Variants in CEP72 observed in about 807,000 individuals in gnomAD.
CEP72 encodes centrosomal protein 72, also known as centrosomal protein of 72 kDa.
A neutral mutation model predicts 65.7 loss-of-function variants in CEP72; 78 were observed. That is an observed-to-expected ratio of 1.19 (90% confidence interval 0.99 to 1.43). The LOEUF (loss-of-function observed/expected upper bound fraction) is 1.43. Among genes scored for constraint, CEP72 ranks in the 40% most tolerant of loss-of-function variants. CEP72 has a pLI of 0.00. For synonymous variants in CEP72, 358 were observed against 351.7 expected (o/e 1.02, Z -0.20); for missense variants, 914 against 832.9 (o/e 1.10, Z -1.20).
chr5:640,278 C>T, intron 8 of CEP72, 130 bp from the exon 9 acceptor site: 4 of 1,292,356 alleles, frequency 3.1e-6, no homozygotes, highest in South Asian at 3.0e-5. Context: ...GCCAACACCC[C>T]TTTCCCCTCT....
At position 645,734 on chromosome 5, in the gene CEP72, G is replaced by C. The variant is rs1379967169; in HGVS notation, c.1666+1309G>C. ...CCTCTGCCCCTGAACTGGAACAACA[G>C]AGTAAATAATAGTCTAACTTGTCTT... On this transcript the variant is annotated intron_variant, in intron 10 of 11. Transcript: ENST00000264935. This position sits in a 1 kb window ranked among gnomAD's most constrained non-coding sequence, Gnocchi z 4.0. 6.6e-6 allele frequency among the ~76,000 whole-genome samples: 1 copy of C among 152,246 alleles called. No homozygotes were observed. The highest frequency in any genetic ancestry group is 6.5e-5 in the Admixed American group (1 of 15,286).
In CEP72 at chr5:644,372, A is replaced by T; in HGVS notation, c.1613A>T (p.Lys538Ile). 6.2e-7 allele frequency: 1 copy of T among 1,613,972 alleles called. No homozygotes were observed. The highest frequency in any genetic ancestry group is 8.5e-7 in the Non-Finnish European group (1 of 1,179,976). ...SRLKSLLLSM[K>I]KEVKSADTAA... ...TTAAAATCGCTTTTGTTGAGTATGAAAAAGGAAGTGAAGAGTGCAGACACT... is the reference window on the plus strand; with the variant it reads ...TTAAAATCGCTTTTGTTGAGTATGATAAAGGAAGTGAAGAGTGCAGACACT... The change falls in exon 10 of 12, where the codon AAA (lysine) becomes ATA (isoleucine). Residue 538 changes from lysine to isoleucine, a missense_variant. Coordinates refer to ENST00000264935, the MANE Select transcript of CEP72 (RefSeq NM_018140.4).
At chr5:622,163 CCT>C (rs1486464281) in intron 3 of CEP72, among the ~76,000 whole-genome samples, 1 of 152,236 alleles carries the variant, frequency 6.6e-6, no homozygotes, top group African/African-American at 2.4e-5. Context: ...GCACACACAC[CCT>C]CTGTTTGGTG....
chr5:648,841 G>T (rs1738653730), intron 11 of CEP72, among the ~76,000 whole-genome samples: 3 of 131,784 alleles, frequency 2.3e-5, no homozygotes, highest in Admixed American at 7.2e-5. Context: ...TGACTGTGAG[G>T]TGTGGACTGT....
intron 1 of CEP72, among the ~76,000 whole-genome samples, chr5:615,978 T>C (rs1242165411): frequency 6.6e-6 from 1 of 152,236 alleles, no homozygotes; most frequent in African/African-American, 2.4e-5. Context: ...CTTTACAATT[T>C]AGTTGTCTTA....
At chr5:651,662 C>G (rs532581556) in intron 11 of CEP72, among the ~76,000 whole-genome samples, 49 of 152,060 alleles carry the variant, frequency 3.2e-4, no homozygotes, top group South Asian at 1.2e-3. Flanking sequence ...AATTGTGTGC[C>G]GGGACGTGGT....
At chr5:633,671 T>A (rs1322236440) in intron 4 of CEP72, 98 bp from the exon 5 acceptor site, 1 of 1,185,470 alleles carries the variant, frequency 8.4e-7, no homozygotes, top group Non-Finnish European at 1.2e-6. Context: ...ACGCTGCTTC[T>A]CTCAGAGACC....
At chr5:629,043 TG>T (rs1737028454) in intron 4 of CEP72, among the ~76,000 whole-genome samples, 1 of 152,088 alleles carries the variant, frequency 6.6e-6, no homozygotes, top group African/African-American at 2.4e-5. Flanking sequence ...GGAGTGGGAC[TG>T]TCCTCGGGTG....
In CEP72 at chr5:623,526, T is replaced by C. The variant is rs954624889; in HGVS notation, c.404-945T>C. Among the ~76,000 whole-genome samples the C allele has an allele frequency of 6.6e-6, 1 of 152,082 alleles. No individual in the cohort carries two copies. The highest frequency in any genetic ancestry group is 2.4e-5 in the African/African-American group (1 of 41,386). ...GCTTCGGACATGCTGCATTAGAATT[T>C]ACACAACAGTCCAGAGAAATGTTCT... is the stretch of plus-strand genomic sequence containing the variant. On this transcript the variant is annotated intron_variant, in intron 3 of 11. Coordinates refer to ENST00000264935, the MANE Select transcript of CEP72 (RefSeq NM_018140.4). The surrounding 1 kb of genome is among the most constrained non-coding windows in gnomAD (Gnocchi z 5.3).
intron 4 of CEP72, among the ~76,000 whole-genome samples, chr5:627,041 G>C (rs946082763): frequency 6.6e-6 from 1 of 152,218 alleles, no homozygotes; most frequent in African/African-American, 2.4e-5. Flanking sequence ...GAATGAGTTA[G>C]GAAGTCATCT....
chr5:676,133 C>T, the CEP72 span: 5 of 152,204 alleles, frequency 3.3e-5, no homozygotes, highest in East Asian at 1.9e-4. Flanking sequence ...AGAGAGGGTC[C>T]GGGTTCAGGC....
chr5:657,881 A>G (rs902070487), downstream of CEP72, among the ~76,000 whole-genome samples: 1 of 152,148 alleles, frequency 6.6e-6, no homozygotes, highest in Non-Finnish European at 1.5e-5. Flanking sequence ...TGAGTAATAC[A>G]TTTTGTGTGT....
intron 11 of CEP72, among the ~76,000 whole-genome samples, chr5:651,272 G>GGACTGTGAGGTGT (rs1374156783): frequency 1.3e-5 from 1 of 77,842 alleles, no homozygotes; most frequent in African/African-American, 4.9e-5. Context: ...TGTGAGGCGT[G>GGACTGTGAGGTGT]GACTGTGAGG....
downstream of CEP72, among the ~76,000 whole-genome samples, chr5:669,563 G>T (rs573912356): frequency 1.3e-5 from 2 of 152,140 alleles, no homozygotes; most frequent in East Asian, 3.9e-4. Context: ...ACATGCGGAC[G>T]CCAGGCCTGA....
chr5:653,418 T>C lies in CEP72; in HGVS notation c.*265T>C, dbSNP rs1739241988. Reference sequence around the variant, plus strand: ...AGACAAACTGACTATTAATCTTGTATCCAGTATCCTGAGATGAAGTAAATG... The same window carrying C: ...AGACAAACTGACTATTAATCTTGTACCCAGTATCCTGAGATGAAGTAAATG... On this transcript the variant is annotated 3_prime_UTR_variant, in exon 12 of 12. Coordinates refer to ENST00000264935, the MANE Select transcript of CEP72 (RefSeq NM_018140.4). The C allele has an allele frequency of 3.1e-6, 1 of 327,260 alleles. No homozygotes were observed. Among genetic ancestry groups the C allele is most frequent in the African/African-American group, 2.1e-5 (1 of 47,252 alleles). The allele number at this position is 327,260 out of a possible 1,614,324, so 20.3% of individuals were successfully genotyped here.
intron 8 of CEP72, among the ~76,000 whole-genome samples, chr5:640,016 G>A (rs1012206653): frequency 6.6e-6 from 1 of 152,184 alleles, no homozygotes; most frequent in African/African-American, 2.4e-5. Context: ...GCTTGCCATC[G>A]TCGGTGGCGG....
At chr5:642,902 C>T in intron 9 of CEP72, 2 of 985,478 alleles carry the variant, frequency 2.0e-6, no homozygotes, top group Non-Finnish European at 2.4e-6. Context: ...GAACCTAGAC[C>T]TTGCTTCCTT....
chr5:666,500 G>A (rs1561080661), intron 4 of CEP72, among the ~76,000 whole-genome samples: 1 of 152,194 alleles, frequency 6.6e-6, no homozygotes, highest in Non-Finnish European at 1.5e-5. Context: ...CCCCGGCTCT[G>A]CCTGTGTGTG....
chr5:642,523 A>G lies in CEP72; in HGVS notation c.1540-1776A>G, dbSNP rs1738125368. ...CTTGCCCTTCTGAGCCTGGGACGAG[A>G]CAGAGCTGACAGGCGGAGCCCAAAG... On this transcript the variant is annotated intron_variant, in intron 9 of 11. Transcript: ENST00000264935. 13 of 985,358 alleles carry G rather than the reference A, an allele frequency of 1.3e-5. 2 individuals are homozygous for G. The South Asian group carries it at 5.6e-4, about 43-fold the overall frequency. The allele number at this position is 985,358 out of a possible 1,614,324, so 61.0% of individuals were successfully genotyped here.
Sources: gnomAD v4.1 joint callset for allele counts (sites outside exome capture counted in the v4.1 genomes callset) on GRCh38, gnomAD v4.1.1 for gene constraint, Gnocchi (gnomAD v3.1) non-coding constraint, MANE v1.5 for transcripts, NCBI Gene and HGNC (gene_info 2026-07-23, HGNC 2026-07-21) for gene names.